Variants in WASHC4 observed in about 807,000 individuals in gnomAD.
WASHC4 encodes the protein WASH complex subunit 7.
Under a neutral mutation model 166.6 loss-of-function variants are expected in WASHC4, and 86 were observed. The observed-to-expected ratio is 0.52, with a 90% CI of 0.43 to 0.62. WASHC4 has a LOEUF of 0.62. WASHC4 is among the 20% of genes least tolerant of loss of function. The probability of loss-of-function intolerance (pLI) is 0.00; values close to 1 mark genes in which losing one functional copy is unlikely to be tolerated. For missense variants in WASHC4, 1,262 were observed against 1,382.4 expected (o/e 0.91, Z 1.38); for synonymous variants, 446 against 451.6 (o/e 0.99, Z 0.16).
chr12:105,147,173 T>G (rs747933252), intron 24 of WASHC4, 27 bp downstream of exon 24: 1 of 1,309,068 alleles, frequency 7.6e-7, no homozygotes, highest in Non-Finnish European at 1.1e-6. Flanking sequence ...GGGGGTTGAG[T>G]GGGTAATAGA....
intron 6 of WASHC4, among the ~76,000 whole-genome samples, chr12:105,117,223 G>T (rs1880271642): frequency 6.6e-6 from 1 of 152,150 alleles, no homozygotes; most frequent in Non-Finnish European, 1.5e-5. Flanking sequence ...TTGTCTGACA[G>T]TATAATAATA....
At chr12:105,115,908 T>C (rs1880136378) in intron 6 of WASHC4, among the ~76,000 whole-genome samples, 180 bp downstream of exon 6, 1 of 152,162 alleles carries the variant, frequency 6.6e-6, no homozygotes, top group African/African-American at 2.4e-5. Context: ...CCAAGTATTT[T>C]TAGAGGAAAA....
Position 105,122,145 on chromosome 12 carries a change from T to C in WASHC4, c.693T>C (p.Pro231=). Residue 231 remains proline (P), a synonymous_variant, in exon 10 of 33, where the codon CCT becomes CCC. Coordinates refer to ENST00000332180, the MANE Select transcript of WASHC4 (RefSeq NM_015275.3). Reference sequence around the variant, plus strand: ...TACTGAAATCTGTCCATCACAATCCTTCAAAATTTGGAATTCAGGAAGAAA... The same window carrying C: ...TACTGAAATCTGTCCATCACAATCCCTCAAAATTTGGAATTCAGGAAGAAA... ...KRLLKSVHHN[P]SKFGIQEEKL... 1.9e-6 allele frequency: 3 copies of C among 1,607,140 alleles called. No individual in the cohort carries two copies. In the South Asian group the frequency reaches 3.3e-5, roughly 18 times the overall value.
intron 24 of WASHC4, chr12:105,149,091 C>T (rs932552381): frequency 2.0e-6 from 2 of 984,998 alleles, no homozygotes; most frequent in African/African-American, 3.5e-5. Context: ...AAGACAAGGA[C>T]CATGTCTAGC....
At chr12:105,148,958 AT>A (rs1356292301) in intron 24 of WASHC4, 16 of 984,846 alleles carry the variant, frequency 1.6e-5, no homozygotes, top group Non-Finnish European at 1.9e-5. Flanking sequence ...GCTTTTTGTT[AT>A]TTATTGTCAA....
Position 105,111,234 on chromosome 12 carries a change from G to T in WASHC4, c.171G>T (p.Trp57Cys), listed in dbSNP as rs1402177784. Residue 57 changes from tryptophan to cysteine, a missense_variant, in exon 2 of 33, where the codon TGG becomes TGT. Physicochemically the swap from Trp to Cys is radical, Grantham distance 215. Transcript: ENST00000332180. Reference protein sequence around the residue: ...DALDDSIGDVWDFNLDPIALK... With the variant: ...DALDDSIGDVCDFNLDPIALK... ...TGGATGACTCAATTGGAGATGTTTG[G>T]GATTTCAATCTTGATCCTATAGCAT... The T allele has an allele frequency of 6.8e-6, 11 of 1,609,710 alleles. No homozygotes were observed. In the East Asian group the frequency reaches 2.5e-4, roughly 36 times the overall value.
At chr12:105,125,205 G>A (rs1258262056) in intron 10 of WASHC4, among the ~76,000 whole-genome samples, 1 of 152,074 alleles carries the variant, frequency 6.6e-6, no homozygotes, top group African/African-American at 2.4e-5. Flanking sequence ...ACATGCTTTT[G>A]AAGTGTGCAC....
chr12:105,124,997 T>A (rs1359385195), intron 10 of WASHC4, among the ~76,000 whole-genome samples: 1 of 152,270 alleles, frequency 6.6e-6, no homozygotes, highest in Non-Finnish European at 1.5e-5. Context: ...ACTAGTTATA[T>A]CAGACAGCAC....
At chr12:105,133,441 AGTAT>A (rs1266955777) in intron 13 of WASHC4, among the ~76,000 whole-genome samples, 1 of 152,062 alleles carries the variant, frequency 6.6e-6, no homozygotes, top group Non-Finnish European at 1.5e-5. Flanking sequence ...TTTCTTCTGT[AGTAT>A]GTATCTTTTA....
At chr12:105,114,674 AG>A (rs1194609291) in intron 4 of WASHC4, among the ~76,000 whole-genome samples, 1 of 152,056 alleles carries the variant, frequency 6.6e-6, no homozygotes, top group Non-Finnish European at 1.5e-5. Context: ...AAGCTTAAAG[AG>A]AGTGTCACTT....
At chr12:105,109,499 A>T (rs1879439215) in intron 1 of WASHC4, among the ~76,000 whole-genome samples, 1 of 152,196 alleles carries the variant, frequency 6.6e-6, no homozygotes, top group Non-Finnish European at 1.5e-5. Flanking sequence ...TCTTATCTCA[A>T]CTTTTGTTAT....
In WASHC4 at chr12:105,140,833, A is replaced by G; in HGVS notation, c.1561-66A>G. The G allele has an allele frequency of 1.4e-6, 2 of 1,449,594 alleles. 1 individual carries two copies. The highest frequency in any genetic ancestry group is 2.3e-5 in the South Asian group (2 of 87,636). 89.8% of individuals were successfully genotyped at this position (1,449,594 alleles called of 1,614,324 possible). ...TTGAATCATGGAAAAGATAATCAAG[A>G]AGTTTTTCTTCTGAGTCTTTTGTTA... On this transcript the variant is annotated intron_variant, in intron 16 of 32. Coordinates refer to ENST00000332180, the MANE Select transcript of WASHC4 (RefSeq NM_015275.3).
Position 105,127,467 on chromosome 12 carries a change from C to T in WASHC4, c.1199+178C>T, listed in dbSNP as rs568563414. ...GAAGTTTTTTGTAAAGAATATTTTA[C>T]ACTTAAAGTCAATTTAAGATGTAGA... On this transcript the variant is annotated intron_variant, in intron 13 of 32. Transcript: ENST00000332180. Among the ~76,000 whole-genome samples, 5 of 152,226 alleles carry T rather than the reference C, an allele frequency of 3.3e-5. No homozygotes were observed. In the East Asian group the frequency reaches 9.6e-4, roughly 29 times the overall value.
chr12:105,113,848 T>G (rs896482303), intron 2 of WASHC4, among the ~76,000 whole-genome samples: 2 of 152,050 alleles, frequency 1.3e-5, no homozygotes, highest in Admixed American at 1.3e-4. Flanking sequence ...AGCTACAATA[T>G]CTTATTAAAT....
At chr12:105,139,413 A>ATGTG (rs1374833618) in intron 15 of WASHC4, among the ~76,000 whole-genome samples, 16 of 69,324 alleles carry the variant, frequency 2.3e-4, no homozygotes, top group African/African-American at 1.0e-3. Context: ...CAGACTATAT[A>ATGTG]TATGTGTGTG....
chr12:105,137,044 G>C (rs1447499473), intron 14 of WASHC4, among the ~76,000 whole-genome samples: 3 of 152,088 alleles, frequency 2.0e-5, no homozygotes, highest in Non-Finnish European at 4.4e-5. Context: ...ACATAGTTAA[G>C]GTTCCTTGCT....
Position 105,138,002 on chromosome 12 carries a change from A to G in WASHC4, c.1443A>G (p.Glu481=), listed in dbSNP as rs1882464351. 1 of 1,612,424 alleles carries G rather than the reference A, an allele frequency of 6.2e-7. No homozygotes were observed. The highest frequency in any genetic ancestry group is 1.3e-5 in the African/African-American group (1 of 74,892). ...TTAAGGCATTGTGCAGGCTTGTTGA[A>G]CTTCTCAAGGTAGGTTTTAGATTAT... ...TSVKALCRLV[E]LLKAIEHMFY... Residue 481 remains glutamate (E), a synonymous_variant, in exon 15 of 33, where the codon GAA becomes GAG. Coordinates refer to ENST00000332180, the MANE Select transcript of WASHC4 (RefSeq NM_015275.3).
Position 105,126,011 on chromosome 12 carries a change from T to C in WASHC4, c.794T>C (p.Ile265Thr), listed in dbSNP as rs766003843. 1.9e-6 allele frequency: 3 copies of C among 1,612,314 alleles called. No homozygotes were observed. The highest frequency in any genetic ancestry group is 2.5e-6 in the Non-Finnish European group (3 of 1,178,836). The part of the protein sequence containing the change: ...LLDGMIFQAC[I>T]EQQFDSLNGG... Reference sequence around the variant, plus strand: ...TCAATGTTTCCTGTCTAGGCCTGTATAGAACAACAATTTGATTCTCTCAAT... The same window carrying C: ...TCAATGTTTCCTGTCTAGGCCTGTACAGAACAACAATTTGATTCTCTCAAT... Residue 265 changes from isoleucine (I) to threonine (T), a missense_variant, in exon 11 of 33, where the codon ATA (isoleucine) becomes ACA (threonine). By Grantham distance (89) the Ile-to-Thr change is moderately conservative. Transcript: ENST00000332180.
At chr12:105,143,067 AT>A in intron 19 of WASHC4, 59 bp from the exon 20 acceptor site, 1 of 990,234 alleles carries the variant, frequency 1.0e-6, no homozygotes, top group Non-Finnish European at 1.6e-6. Flanking sequence ...CTTTTGCAGT[AT>A]TGTTTAGATT....
Sources: allele counts gnomAD v4.1 joint callset (sites outside exome capture counted in the v4.1 genomes callset), GRCh38; gene constraint gnomAD v4.1.1; transcripts MANE v1.5; gene names NCBI Gene and HGNC (gene_info 2026-07-23, HGNC 2026-07-21).